CCBE1: variants seen among roughly 807,000 people sequenced by gnomAD.
CCBE1 encodes the protein collagen and calcium-binding EGF domain-containing protein 1.
In CCBE1, 37 loss-of-function variants were observed where a neutral mutation model predicts 50.0. The observed-to-expected ratio is 0.74, with a 90% CI of 0.57 to 0.97. The LOEUF (loss-of-function observed/expected upper bound fraction) is 0.97. CCBE1 is among the 50% of genes least tolerant of loss of function. CCBE1 has a pLI of 0.00. For synonymous variants in CCBE1, 234 were observed against 203.7 expected (o/e 1.15, Z -1.27); for missense variants, 538 against 523.8 (o/e 1.03, Z -0.26).
At chr18:59,497,652 C>T (rs1024588126) in intron 2 of CCBE1, among the ~76,000 whole-genome samples, 7 of 152,122 alleles carry the variant, frequency 4.6e-5, no homozygotes, top group Non-Finnish European at 7.3e-5. Flanking sequence ...GTGACAAACA[C>T]CAGTGCTTTA....
intron 2 of CCBE1, among the ~76,000 whole-genome samples, chr18:59,631,971 G>A (rs762210517): frequency 5.3e-5 from 8 of 152,320 alleles, no homozygotes; most frequent in Non-Finnish European, 1.2e-4. Context: ...GCTGTATCCT[G>A]TAGATTCAAA....
At chr18:59,543,905 G>A (rs577738742) in intron 2 of CCBE1, among the ~76,000 whole-genome samples, 26 of 149,958 alleles carry the variant, frequency 1.7e-4, no homozygotes, top group African/African-American at 5.7e-4. Flanking sequence ...AGGGACACTC[G>A]CAGTTCTGGG....
At chr18:59,688,292 T>G (rs2054684199) in intron 2 of CCBE1, 1 of 151,948 alleles carries the variant, frequency 6.6e-6, no homozygotes, top group Admixed American at 6.6e-5. Context: ...CTACAAAAAA[T>G]TAAATTAGTC....
chr18:59,503,305 A>C (rs981756801), intron 2 of CCBE1, among the ~76,000 whole-genome samples: 1 of 152,242 alleles, frequency 6.6e-6, no homozygotes, highest in Admixed American at 6.5e-5. Flanking sequence ...TACGTAGTGC[A>C]TGTTATGGAG....
intron 2 of CCBE1, among the ~76,000 whole-genome samples, chr18:59,602,675 C>T (rs9953853): frequency 9.2e-5 from 14 of 152,066 alleles, no homozygotes; most frequent in African/African-American, 3.4e-4. Flanking sequence ...GCTGTAATAA[C>T]CAGGAAAGGC....
At chr18:59,522,976 A>G (rs1259353556) in intron 2 of CCBE1, among the ~76,000 whole-genome samples, 1 of 101,904 alleles carries the variant, frequency 9.8e-6, no homozygotes, top group African/African-American at 3.5e-5. Context: ...TGGGCAACAG[A>G]GTGAGAGACT....
chr18:59,624,622 T>C (rs535866563), intron 2 of CCBE1, among the ~76,000 whole-genome samples: 1 of 152,240 alleles, frequency 6.6e-6, no homozygotes, highest in Non-Finnish European at 1.5e-5. Context: ...GATGACTAGG[T>C]CCAAAGGGAG....
rs375484836 is a variant in CCBE1, at chr18:59,697,379, C to A, written c.-37G>T. On this transcript the variant is annotated 5_prime_UTR_variant, in exon 1 of 11. Coordinates refer to ENST00000439986, the MANE Select transcript of CCBE1 (RefSeq NM_133459.4). ...CCGGCTTCTTCCCAGCGCCGAGCTC[C>A]GTCCGGACCAAGCGTCCTGCTCCTC... is the stretch of plus-strand genomic sequence containing the variant. 3.1e-5 allele frequency: 47 copies of A among 1,538,504 alleles called. No homozygotes were observed. The highest frequency in any genetic ancestry group is 3.5e-5 in the Non-Finnish European group (40 of 1,144,394).
At chr18:59,541,889 C>A (rs1042379033) in intron 2 of CCBE1, among the ~76,000 whole-genome samples, 2 of 149,630 alleles carry the variant, frequency 1.3e-5, no homozygotes, top group Admixed American at 1.3e-4. Context: ...AAAAAAAAAT[C>A]TTTGTGGCCA....
intron 2 of CCBE1, among the ~76,000 whole-genome samples, chr18:59,516,021 C>T (rs1598969950): frequency 6.6e-6 from 1 of 152,118 alleles, no homozygotes; most frequent in Non-Finnish European, 1.5e-5. Flanking sequence ...TGCAGTGGTG[C>T]GATCTCTGCT....
intron 2 of CCBE1, among the ~76,000 whole-genome samples, chr18:59,569,809 T>C (rs1042410978): frequency 1.4e-4 from 22 of 152,144 alleles, no homozygotes; most frequent in Admixed American, 2.6e-4. Context: ...TAATTTTGTT[T>C]TTGTAGAGAT....
chr18:59,570,624 A>T (rs1277842906), intron 2 of CCBE1, among the ~76,000 whole-genome samples: 1 of 151,886 alleles, frequency 6.6e-6, no homozygotes, highest in Non-Finnish European at 1.5e-5. Flanking sequence ...CGACACTGCC[A>T]GGGCAGTGAC....
intron 7 of CCBE1, among the ~76,000 whole-genome samples, chr18:59,441,613 G>C (rs1450041847): frequency 6.6e-6 from 1 of 152,098 alleles, no homozygotes; most frequent in Non-Finnish European, 1.5e-5. Context: ...GCATGTGAAC[G>C]GTGCTGTTGG....
chr18:59,653,039 A>T (rs2144670099), intron 2 of CCBE1, among the ~76,000 whole-genome samples: 1 of 152,316 alleles, frequency 6.6e-6, no homozygotes, highest in South Asian at 2.1e-4. Flanking sequence ...TTTATAGAAA[A>T]CTATGAAAAG....
At chr18:59,568,307 A>C (rs2052859807) in intron 2 of CCBE1, 1 of 152,234 alleles carries the variant, frequency 6.6e-6, no homozygotes, top group Non-Finnish European at 1.5e-5. Context: ...GCTACTGCAC[A>C]GACCGTGTAA....
At chr18:59,472,826 C>T (rs570827710) in intron 3 of CCBE1, among the ~76,000 whole-genome samples, 9 of 152,328 alleles carry the variant, frequency 5.9e-5, no homozygotes, top group Non-Finnish European at 1.3e-4. Flanking sequence ...CTCACAGATC[C>T]ACATGGCTGG....
At chr18:59,518,506 C>T (rs984926320) in intron 2 of CCBE1, among the ~76,000 whole-genome samples, 1 of 152,222 alleles carries the variant, frequency 6.6e-6, no homozygotes, top group African/African-American at 2.4e-5. Flanking sequence ...AATGGATCTT[C>T]TCTTGTCATC....
At chr18:59,595,818 G>A (rs534945343) in intron 2 of CCBE1, among the ~76,000 whole-genome samples, 17 of 152,294 alleles carry the variant, frequency 1.1e-4, no homozygotes, top group Middle Eastern at 3.4e-3. Flanking sequence ...TTAATACCAG[G>A]ATGAGGGAGT....
At chr18:59,627,884 G>T (rs1599078158) in intron 2 of CCBE1, among the ~76,000 whole-genome samples, 1 of 152,144 alleles carries the variant, frequency 6.6e-6, no homozygotes. Context: ...AGCTTATACA[G>T]GCATATTGAA....
Sources: gnomAD v4.1 joint callset for allele counts (sites outside exome capture counted in the v4.1 genomes callset) on GRCh38, gnomAD v4.1.1 for gene constraint, MANE v1.5 for transcripts, NCBI Gene and HGNC (gene_info 2026-07-23, HGNC 2026-07-21) for gene names.